Variants in ANO4 observed in about 807,000 individuals in gnomAD.
ANO4 encodes anoctamin 4, also known as anoctamin-4.
Under a neutral mutation model 141.9 loss-of-function variants are expected in ANO4, and 69 were observed. The ratio of observed to expected loss-of-function variants is 0.49; its 90% CI spans 0.40 to 0.59. The LOEUF (loss-of-function observed/expected upper bound fraction) is 0.59. ANO4 is among the 20% of genes least tolerant of loss of function. ANO4 has a pLI of 0.00. For missense variants in ANO4, 894 were observed against 1,162.2 expected (o/e 0.77, Z 3.36); for synonymous variants, 350 against 394.3 (o/e 0.89, Z 1.33).
At chr12:101,100,222 G>A (rs2050139542) in intron 22 of ANO4, among the ~76,000 whole-genome samples, 1 of 151,900 alleles carries the variant, frequency 6.6e-6, no homozygotes, top group African/African-American at 2.4e-5. Flanking sequence ...GGAGGGAAAG[G>A]CAAATAAAAT....
rs150385464 is a variant in ANO4 at position 100,931,831 on chromosome 12, T to C, written c.161-7484T>C. Among the ~76,000 whole-genome samples the C allele has an allele frequency of 1.8e-3, 276 of 152,240 alleles. 1 individual carries two copies. Among genetic ancestry groups the C allele is most frequent in the African/African-American group, 6.3e-3 (260 of 41,552 alleles). On this transcript the variant is annotated intron_variant, in intron 3 of 27. Transcript: ENST00000392977. ...AAAATGCATATTGAGTGTCTCCTAC[T>C]TGGTAGCCCTTAAGCCGAATTGGAG...
intron 22 of ANO4, among the ~76,000 whole-genome samples, chr12:101,109,986 G>A (rs182585052): frequency 7.5e-4 from 114 of 152,230 alleles, no homozygotes; most frequent in Non-Finnish European, 1.4e-3. Context: ...AGATTTGGCC[G>A]TTAGGGGTGC....
chr12:101,098,066 A>G, intron 21 of ANO4, 121 bp downstream of exon 21: 1 of 814,150 alleles, frequency 1.2e-6, no homozygotes, highest in Non-Finnish European at 2.0e-6. Flanking sequence ...ACCTGGAACT[A>G]AGTGCTCACA....
At chr12:100,910,202 A>G (rs1027505863) in intron 2 of ANO4, among the ~76,000 whole-genome samples, 1 of 152,184 alleles carries the variant, frequency 6.6e-6, no homozygotes, top group Non-Finnish European at 1.5e-5. Context: ...CTTGGTGTTC[A>G]GTAATAAATG....
At chr12:100,981,677 A>G (rs1336921990) in intron 7 of ANO4, among the ~76,000 whole-genome samples, 5 of 152,320 alleles carry the variant, frequency 3.3e-5, no homozygotes, top group East Asian at 3.9e-4. Context: ...TTAGGTTATC[A>G]TTAGTGTACA....
At chr12:100,964,087 G>T (rs1011590009) in intron 5 of ANO4, among the ~76,000 whole-genome samples, 18 of 152,128 alleles carry the variant, frequency 1.2e-4, no homozygotes, top group Admixed American at 1.2e-3. Context: ...GGATGTTAAA[G>T]CCAACTGTAT....
At chr12:100,753,325 A>G (rs1482919190) in intron 3 of ANO4, among the ~76,000 whole-genome samples, 2 of 152,168 alleles carry the variant, frequency 1.3e-5, no homozygotes, top group Non-Finnish European at 2.9e-5. Context: ...ACAATCTATC[A>G]CAGCCTCTCT....
intron 3 of ANO4, among the ~76,000 whole-genome samples, chr12:100,765,113 G>T (rs761255233): frequency 9.9e-5 from 15 of 152,236 alleles, no homozygotes; most frequent in Admixed American, 2.6e-4. Flanking sequence ...GGAAGGTTTC[G>T]ATTGCTGATT....
intron 9 of ANO4, among the ~76,000 whole-genome samples, chr12:101,029,520 G>T (rs181299767): frequency 6.6e-6 from 1 of 152,102 alleles, no homozygotes; most frequent in Non-Finnish European, 1.5e-5. Flanking sequence ...AAATGCAGGG[G>T]TTGCAAACCT....
chr12:100,733,193 T>A (rs2031455209), intron 1 of ANO4, among the ~76,000 whole-genome samples: 1 of 152,182 alleles, frequency 6.6e-6, no homozygotes, highest in Non-Finnish European at 1.5e-5. Flanking sequence ...TAACTTGGTT[T>A]ACAAGACACT....
intron 14 of ANO4, among the ~76,000 whole-genome samples, chr12:101,051,783 A>C (rs959696512): frequency 2.0e-5 from 3 of 152,222 alleles, no homozygotes; most frequent in African/African-American, 2.4e-5. Context: ...CCTCTGCTCT[A>C]CTGCTAGAAT....
chr12:101,111,812 C>A, intron 24 of ANO4, 102 bp downstream of exon 24: 2 of 1,063,192 alleles, frequency 1.9e-6, no homozygotes, highest in South Asian at 2.9e-5. Flanking sequence ...GGAATACATG[C>A]CCAGAAGGAG....
intron 14 of ANO4, among the ~76,000 whole-genome samples, chr12:101,053,757 G>T (rs1197780815): frequency 6.6e-6 from 1 of 152,188 alleles, no homozygotes; most frequent in African/African-American, 2.4e-5. Flanking sequence ...AGGTCACATT[G>T]TGAGGTACTG....
chr12:100,770,963 G>T (rs1295294165), intron 3 of ANO4, among the ~76,000 whole-genome samples: 1 of 151,868 alleles, frequency 6.6e-6, no homozygotes, highest in Non-Finnish European at 1.5e-5. Flanking sequence ...GGAGCTGGTG[G>T]GCATTGAGAA....
intron 8 of ANO4, among the ~76,000 whole-genome samples, chr12:101,007,855 G>T (rs910086036): frequency 2.0e-5 from 3 of 152,096 alleles, no homozygotes; most frequent in African/African-American, 7.2e-5. Context: ...AGGTAGCTAG[G>T]ACTACAAGTG....
At chr12:101,048,693 A>G (rs2047737376) in intron 14 of ANO4, among the ~76,000 whole-genome samples, 1 of 152,210 alleles carries the variant, frequency 6.6e-6, no homozygotes, top group African/African-American at 2.4e-5. Context: ...ACTTTAGTTT[A>G]GGTCAGGGGA....
chr12:100,726,956 C>T (rs765008478), intron 1 of ANO4, among the ~76,000 whole-genome samples: 3 of 134,108 alleles, frequency 2.2e-5, no homozygotes, highest in East Asian at 4.2e-4. Context: ...ATAGTTGCCC[C>T]GGGACCCCCC....
intron 3 of ANO4, among the ~76,000 whole-genome samples, chr12:100,772,429 C>T (rs141739609): frequency 3.3e-5 from 5 of 152,256 alleles, no homozygotes; most frequent in Non-Finnish European, 5.9e-5. Flanking sequence ...ATCCCCTCAC[C>T]GCCAAATCTC....
At chr12:100,857,219 G>A (rs2038221050) in intron 1 of ANO4, among the ~76,000 whole-genome samples, 1 of 152,082 alleles carries the variant, frequency 6.6e-6, no homozygotes, top group African/African-American at 2.4e-5. Context: ...TTGCTAAGAA[G>A]CTTGAACATA....
Sources: allele counts gnomAD v4.1 joint callset (sites outside exome capture counted in the v4.1 genomes callset), GRCh38; gene constraint gnomAD v4.1.1; transcripts MANE v1.5; gene names NCBI Gene and HGNC (gene_info 2026-07-23, HGNC 2026-07-21).